PTPRK: variants seen among roughly 807,000 people sequenced by gnomAD.
PTPRK encodes the protein protein tyrosine phosphatase receptor type K, also known as receptor-type tyrosine-protein phosphatase kappa.
Under a neutral mutation model 178.0 loss-of-function variants are expected in PTPRK, and 75 were observed. The observed-to-expected ratio is 0.42, with a 90% CI of 0.35 to 0.51. The LOEUF (loss-of-function observed/expected upper bound fraction) is 0.51, where lower values mean the gene tolerates loss of function less well. Among genes scored for constraint, PTPRK ranks in the 20% least tolerant of loss-of-function variants. The pLI is 0.02. For missense variants in PTPRK, 1,441 were observed against 1,797.8 expected (o/e 0.80, Z 3.59); for synonymous variants, 637 against 620.6 (o/e 1.03, Z -0.39).
intron 1 of PTPRK, among the ~76,000 whole-genome samples, chr6:128,457,400 A>T (rs1183882442): frequency 6.6e-6 from 1 of 152,154 alleles, no homozygotes; most frequent in Non-Finnish European, 1.5e-5. Context: ...ACCTCATTCC[A>T]CACAGAGAAG....
At chr6:128,436,711 G>A (rs917833612) in intron 1 of PTPRK, among the ~76,000 whole-genome samples, 3 of 152,042 alleles carry the variant, frequency 2.0e-5, no homozygotes, top group Admixed American at 6.6e-5. Flanking sequence ...CAAGATCACC[G>A]GATAGGAAAG....
chr6:128,115,110 C>T (rs185868674), intron 7 of PTPRK, among the ~76,000 whole-genome samples: 1 of 152,104 alleles, frequency 6.6e-6, no homozygotes, highest in Non-Finnish European at 1.5e-5. Context: ...ATATCAAGCA[C>T]TTGGCATTCT....
At chr6:128,043,844 G>A (rs1777604811) in intron 13 of PTPRK, among the ~76,000 whole-genome samples, 1 of 151,486 alleles carries the variant, frequency 6.6e-6, no homozygotes, top group Non-Finnish European at 1.5e-5. Flanking sequence ...GAAACTTTAT[G>A]GCAAAATTTA....
At chr6:128,235,064 A>G (rs1413589649) in intron 5 of PTPRK, among the ~76,000 whole-genome samples, 1 of 152,206 alleles carries the variant, frequency 6.6e-6, no homozygotes, top group African/African-American at 2.4e-5. Flanking sequence ...CGGATACATC[A>G]ATTACCCTAA....
intron 7 of PTPRK, among the ~76,000 whole-genome samples, chr6:128,099,082 C>T (rs111840026): frequency 0.085 from 12,928 of 151,494 alleles, 901 homozygotes; most frequent in African/African-American, 0.18. Flanking sequence ...TTAAATTTAA[C>T]TTTTTTATGT....
At chr6:127,970,991 A>C (rs941639279) in intron 29 of PTPRK, among the ~76,000 whole-genome samples, 1 of 152,084 alleles carries the variant, frequency 6.6e-6, no homozygotes, top group Non-Finnish European at 1.5e-5. Context: ...TTAAACAGCC[A>C]TTTATGCAAT....
At chr6:128,439,247 G>A (rs538484984) in intron 1 of PTPRK, among the ~76,000 whole-genome samples, 1 of 152,048 alleles carries the variant, frequency 6.6e-6, no homozygotes, top group Admixed American at 6.6e-5. Flanking sequence ...GAAGTGGTGG[G>A]GTGGGGGGCT....
At chr6:128,324,090 T>C (rs939666505) in intron 2 of PTPRK, among the ~76,000 whole-genome samples, 4 of 152,110 alleles carry the variant, frequency 2.6e-5, no homozygotes, top group African/African-American at 9.7e-5. Context: ...GGACCAGCCC[T>C]GAGATCTTGG....
intron 13 of PTPRK, among the ~76,000 whole-genome samples, chr6:128,038,756 G>A (rs1776662197): frequency 6.6e-6 from 1 of 152,050 alleles, no homozygotes; most frequent in Non-Finnish European, 1.5e-5. Flanking sequence ...TTTTCAAAGT[G>A]CAACAAAATG....
intron 5 of PTPRK, among the ~76,000 whole-genome samples, chr6:128,231,851 T>A (rs1812354690): frequency 6.6e-6 from 1 of 152,154 alleles, no homozygotes; most frequent in Non-Finnish European, 1.5e-5. Context: ...TACAAAGCTG[T>A]CTATATTACT....
chr6:128,452,196 T>C (rs1433114839), intron 1 of PTPRK, among the ~76,000 whole-genome samples: 1 of 152,160 alleles, frequency 6.6e-6, no homozygotes, highest in Non-Finnish European at 1.5e-5. Context: ...TTATCTTATT[T>C]CATGTGTTTT....
chr6:128,433,830 T>TTTG (rs934173427), intron 1 of PTPRK, among the ~76,000 whole-genome samples: 2 of 143,618 alleles, frequency 1.4e-5, no homozygotes, highest in Non-Finnish European at 2.9e-5. Flanking sequence ...AACACTGTTT[T>TTTG]TTTTTTTTTT....
At chr6:128,337,653 T>C (rs780525616) in intron 2 of PTPRK, among the ~76,000 whole-genome samples, 1 of 152,204 alleles carries the variant, frequency 6.6e-6, no homozygotes, top group Non-Finnish European at 1.5e-5. Context: ...ACCATTTCAG[T>C]ACTTTTCCTT....
chr6:128,175,829 C>T (rs142087435), intron 7 of PTPRK, among the ~76,000 whole-genome samples: 449 of 151,852 alleles, frequency 3.0e-3, no homozygotes, highest in Non-Finnish European at 4.1e-3. Context: ...GGACTTCCAG[C>T]AAGGGCCCTC....
chr6:128,490,186 T>C (rs1853565826), intron 1 of PTPRK, among the ~76,000 whole-genome samples: 1 of 152,160 alleles, frequency 6.6e-6, no homozygotes, highest in African/African-American at 2.4e-5. Flanking sequence ...AAGAATAGAC[T>C]ACAAAAGCAT....
chr6:128,329,037 T>C (rs940515397), intron 2 of PTPRK, among the ~76,000 whole-genome samples: 1 of 152,154 alleles, frequency 6.6e-6, no homozygotes, highest in Non-Finnish European at 1.5e-5. Flanking sequence ...TATTTCAATG[T>C]TATTGATAAG....
chr6:128,271,450 C>G (rs1227808808), intron 3 of PTPRK, among the ~76,000 whole-genome samples: 1 of 152,170 alleles, frequency 6.6e-6, no homozygotes, highest in East Asian at 1.9e-4. Context: ...CACCCCTATC[C>G]TGTTATCAGC....
Position 127,985,893 on chromosome 6 carries a change from G to T in PTPRK, c.3097-18C>A, listed in dbSNP as rs989876919. On this transcript the variant is annotated intron_variant, in intron 21 of 29. Coordinates refer to ENST00000368226, the MANE Select transcript of PTPRK (RefSeq NM_002844.4). The stretch of plus-strand genomic sequence containing the variant: ...TACCCCCTCTGTGCAAAGATGGAAA[G>T]AAATGTTTTCAAAAGCCATTTTAAT... The T allele has an allele frequency of 2.5e-6, 4 of 1,588,608 alleles. No individual in the cohort carries two copies. The highest frequency in any genetic ancestry group is 2.7e-5 in the African/African-American group (2 of 74,380).
rs1054872136 is a variant in PTPRK at position 128,004,992 on chromosome 6, C to T, written c.2494+92G>A. ...TCTAGCTGCTTCTCCCCTCACTTTC[C>T]TACTCTCTCTCATTACTCAAAAGGT... On this transcript the variant is annotated intron_variant, in intron 15 of 29. Coordinates refer to ENST00000368226, the MANE Select transcript of PTPRK (RefSeq NM_002844.4). 11 of 1,107,118 alleles carry T rather than the reference C, an allele frequency of 9.9e-6. No individual in the cohort carries two copies. The African/African-American group carries it at 1.1e-4, about 11-fold the overall frequency. The allele number at this position is 1,107,118 out of a possible 1,614,324, so 68.6% of individuals were successfully genotyped here.
Sources: allele counts gnomAD v4.1 joint callset (sites outside exome capture counted in the v4.1 genomes callset), GRCh38; gene constraint gnomAD v4.1.1; transcripts MANE v1.5; gene names NCBI Gene and HGNC (gene_info 2026-07-23, HGNC 2026-07-21).